CLSTN2: variants seen among roughly 807,000 people sequenced by gnomAD.
CLSTN2 encodes the protein calsyntenin 2.
Under a neutral mutation model 101.2 loss-of-function variants are expected in CLSTN2, and 48 were observed. The observed-to-expected ratio is 0.47, with a 90% CI of 0.38 to 0.60. The LOEUF (loss-of-function observed/expected upper bound fraction) is 0.60, where lower values mean the gene tolerates loss of function less well. Among genes scored for constraint, CLSTN2 ranks in the 20% least tolerant of loss-of-function variants. The pLI is 0.00. For synonymous variants in CLSTN2, 481 were observed against 463.6 expected (o/e 1.04, Z -0.48); for missense variants, 1,160 against 1,238.2 (o/e 0.94, Z 0.95).
chr3:140,110,345 T>C (rs2009133620), intron 1 of CLSTN2, among the ~76,000 whole-genome samples: 2 of 152,182 alleles, frequency 1.3e-5, no homozygotes, highest in South Asian at 4.1e-4. Flanking sequence ...AACTACTCCA[T>C]AAGAGAAACC....
At chr3:139,936,739 A>C (rs958863193) in intron 1 of CLSTN2, among the ~76,000 whole-genome samples, 1 of 152,220 alleles carries the variant, frequency 6.6e-6, no homozygotes, top group Admixed American at 6.5e-5. Context: ...CTGGCCCTCC[A>C]ATAACTTAGG....
intron 9 of CLSTN2, 114 bp downstream of exon 9, chr3:140,532,600 C>G: frequency 1.3e-6 from 1 of 797,950 alleles, no homozygotes; most frequent in South Asian, 3.6e-5. Flanking sequence ...AAATTACTAC[C>G]CCTTACAAAA....
At chr3:139,989,329 T>A (rs1286641813) in intron 1 of CLSTN2, among the ~76,000 whole-genome samples, 1 of 152,186 alleles carries the variant, frequency 6.6e-6, no homozygotes, top group Non-Finnish European at 1.5e-5. Context: ...TACTTCCTCT[T>A]CCACTCACCT....
intron 5 of CLSTN2, among the ~76,000 whole-genome samples, chr3:140,433,786 G>A (rs2107999568): frequency 6.6e-6 from 1 of 152,320 alleles, no homozygotes; most frequent in Non-Finnish European, 1.5e-5. Context: ...GGAAAGTGAA[G>A]GCAGAGGAGA....
At chr3:140,421,598 C>T (rs1417822963) in intron 5 of CLSTN2, among the ~76,000 whole-genome samples, 2 of 152,100 alleles carry the variant, frequency 1.3e-5, no homozygotes, top group Non-Finnish European at 2.9e-5. Flanking sequence ...TTCACTTTAC[C>T]CCAGGGTGCT....
intron 4 of CLSTN2, among the ~76,000 whole-genome samples, chr3:140,419,187 A>C (rs2088465356): frequency 6.6e-6 from 1 of 151,756 alleles, no homozygotes; most frequent in African/African-American, 2.4e-5. Context: ...AAATATAAAA[A>C]TATACCTGAG....
intron 1 of CLSTN2, among the ~76,000 whole-genome samples, chr3:139,987,786 A>G (rs570306816): frequency 2.0e-5 from 3 of 152,336 alleles, no homozygotes; most frequent in South Asian, 2.1e-4. Context: ...TTGTACACCC[A>G]GAGGGTGATA....
chr3:140,039,526 T>C (rs1271548939), intron 1 of CLSTN2, among the ~76,000 whole-genome samples: 11 of 152,232 alleles, frequency 7.2e-5, no homozygotes, highest in Non-Finnish European at 1.0e-4. Context: ...TTTAAAAGCA[T>C]GAACTATTTG....
intron 2 of CLSTN2, among the ~76,000 whole-genome samples, chr3:140,391,528 T>C (rs541557790): frequency 6.6e-6 from 1 of 152,280 alleles, no homozygotes; most frequent in East Asian, 1.9e-4. Context: ...TACATGACAT[T>C]TTATATGAAT....
chr3:140,483,234 T>A (rs35093313), intron 8 of CLSTN2, among the ~76,000 whole-genome samples: 56 of 152,358 alleles, frequency 3.7e-4, no homozygotes, highest in African/African-American at 1.3e-3. Flanking sequence ...TTGCTTGGTT[T>A]CCATGTAGTT....
intron 15 of CLSTN2, 68 bp from the exon 16 acceptor site, chr3:140,563,893 C>T: frequency 1.3e-6 from 2 of 1,505,612 alleles, no homozygotes; most frequent in Non-Finnish European, 1.8e-6. Flanking sequence ...ATGTTTCATT[C>T]ATGCTCCCTC....
At chr3:140,415,813 T>C (rs1441033642) in intron 4 of CLSTN2, among the ~76,000 whole-genome samples, 2 of 152,154 alleles carry the variant, frequency 1.3e-5, no homozygotes, top group Non-Finnish European at 2.9e-5. Context: ...AAATTATGAA[T>C]AGAACTACCA....
At chr3:139,955,111 G>GATATATATATATATATAT (rs1560052944) in intron 1 of CLSTN2, among the ~76,000 whole-genome samples, 8 of 13,472 alleles carry the variant, frequency 5.9e-4, no homozygotes, top group Non-Finnish European at 9.5e-4. Flanking sequence ...TGGCAATATT[G>GATATATATATATATATAT]CTATATATAT....
intron 1 of CLSTN2, among the ~76,000 whole-genome samples, chr3:140,019,016 G>A (rs983962620): frequency 2.0e-5 from 3 of 152,138 alleles, no homozygotes; most frequent in African/African-American, 7.2e-5. Flanking sequence ...GGTCTAATCA[G>A]ATGATCCTGG....
intron 8 of CLSTN2, among the ~76,000 whole-genome samples, chr3:140,512,298 G>T (rs550149290): frequency 6.6e-6 from 1 of 152,144 alleles, no homozygotes; most frequent in South Asian, 2.1e-4. Context: ...TTTAATTCAT[G>T]TTGAGTTAAT....
At chr3:139,963,294 G>A (rs866121959) in intron 1 of CLSTN2, among the ~76,000 whole-genome samples, 1 of 152,062 alleles carries the variant, frequency 6.6e-6, no homozygotes, top group Non-Finnish European at 1.5e-5. Context: ...CAGGTGCTCT[G>A]GTGTTTGGTT....
chr3:140,208,585 C>T lies in CLSTN2; in HGVS notation c.232+32512C>T, dbSNP rs1414636613. ...TATTATTCATTACTTTGGTATTTTC[C>T]TGCCTTCTTATACATCTTCTCATTT... On this transcript the variant is annotated intron_variant, in intron 2 of 16. Coordinates refer to ENST00000458420, the MANE Select transcript of CLSTN2 (RefSeq NM_022131.3). 3.3e-5 allele frequency among the ~76,000 whole-genome samples: 5 copies of T among 151,992 alleles called. No individual in the cohort carries two copies. In the East Asian group the frequency reaches 9.6e-4, roughly 29 times the overall value.
intron 2 of CLSTN2, among the ~76,000 whole-genome samples, chr3:140,222,838 C>CTACA (rs2086285932): frequency 6.8e-6 from 1 of 146,840 alleles, no homozygotes; most frequent in African/African-American, 2.5e-5. Context: ...TAGACACCTA[C>CTACA]TACACACCCA....
chr3:139,945,920 C>G (rs1935207187), intron 1 of CLSTN2, among the ~76,000 whole-genome samples: 1 of 152,152 alleles, frequency 6.6e-6, no homozygotes, highest in African/African-American at 2.4e-5. Context: ...TAATCACTCT[C>G]TAAAAGCATA....
Sources: allele counts gnomAD v4.1 joint callset (sites outside exome capture counted in the v4.1 genomes callset), GRCh38; gene constraint gnomAD v4.1.1; transcripts MANE v1.5; gene names NCBI Gene and HGNC (gene_info 2026-07-23, HGNC 2026-07-21).